DLGAP1: variants seen among roughly 807,000 people sequenced by gnomAD.
The protein encoded by DLGAP1 is DLG associated protein 1, also known as disks large-associated protein 1.
In DLGAP1, 11 loss-of-function variants were observed where a neutral mutation model predicts 90.8. That is an observed-to-expected ratio of 0.12 (90% CI 0.08 to 0.20). The LOEUF (loss-of-function observed/expected upper bound fraction) is 0.20, where lower values mean the gene tolerates loss of function less well. Among genes scored for constraint, DLGAP1 ranks in the 10% least tolerant of loss-of-function variants. DLGAP1 has a pLI of 1.00. For missense variants in DLGAP1, 1,050 were observed against 1,333.8 expected, an observed-to-expected ratio of 0.79 and a Z score of 3.31; for synonymous variants, 558 against 540.7, an observed-to-expected ratio of 1.03 and a Z score of -0.44.
chr18:4,238,596 TACTC>T (rs751077063), intron 1 of DLGAP1, among the ~76,000 whole-genome samples: 2 of 152,192 alleles, frequency 1.3e-5, no homozygotes, highest in Non-Finnish European at 2.9e-5. Flanking sequence ...TCAAAAAACT[TACTC>T]AGTAACTACT....
intron 2 of DLGAP1, among the ~76,000 whole-genome samples, chr18:4,118,218 G>C (rs2076094021): frequency 6.6e-6 from 1 of 151,872 alleles, no homozygotes; most frequent in Non-Finnish European, 1.5e-5. Flanking sequence ...AATAAAGCCA[G>C]CCCCTGCAGG....
At chr18:3,960,925 C>T (rs980243160) in intron 3 of DLGAP1, among the ~76,000 whole-genome samples, 3 of 152,204 alleles carry the variant, frequency 2.0e-5, no homozygotes, top group African/African-American at 7.2e-5. Flanking sequence ...GGGAAATGAA[C>T]TTCTTCTGGC....
intron 10 of DLGAP1, among the ~76,000 whole-genome samples, chr18:3,512,924 AAT>A (rs1036172558): frequency 6.6e-6 from 1 of 152,176 alleles, no homozygotes; most frequent in Admixed American, 6.5e-5. Flanking sequence ...TTAAGTGCAC[AAT>A]ATAGTTTTGT....
At chr18:3,622,060 T>C (rs2058112508) in intron 7 of DLGAP1, among the ~76,000 whole-genome samples, 1 of 152,090 alleles carries the variant, frequency 6.6e-6, no homozygotes, top group Non-Finnish European at 1.5e-5. Flanking sequence ...GGGTAGTGTA[T>C]GTGTATGTTG....
At chr18:3,878,994 C>T (rs982894707) in intron 4 of DLGAP1, 118 bp downstream of exon 4, 2 of 840,244 alleles carry the variant, frequency 2.4e-6, no homozygotes, top group Non-Finnish European at 3.4e-6. Context: ...GAATAATTTG[C>T]ACAGGTTCCT....
chr18:3,531,813 T>A (rs900110049), intron 10 of DLGAP1, among the ~76,000 whole-genome samples: 1 of 151,984 alleles, frequency 6.6e-6, no homozygotes, highest in African/African-American at 2.4e-5. Context: ...ATGTTTTCTA[T>A]AAGTGTGAGC....
At position 3,587,681 on chromosome 18, in the gene DLGAP1, C is replaced by T. The variant is rs532589497; in HGVS notation, c.1592-5433G>A. Among the ~76,000 whole-genome samples, 21 of 152,254 alleles carry T rather than the reference C, an allele frequency of 1.4e-4. No homozygotes were observed. In the South Asian group the frequency reaches 4.2e-3, roughly 30 times the overall value. On this transcript the variant is annotated intron_variant, in intron 7 of 12. Coordinates refer to ENST00000315677, the MANE Select transcript of DLGAP1 (RefSeq NM_004746.4). ...CTTGCTGCTGCTCACTCTTTGGGTC[C>T]ACACTACCTTTATGAGCTGTAACAC...
chr18:4,374,925 G>T (rs1567871175), intron 1 of DLGAP1, among the ~76,000 whole-genome samples: 1 of 151,648 alleles, frequency 6.6e-6, no homozygotes, highest in Non-Finnish European at 1.5e-5. Context: ...AAAAGGAAAT[G>T]GACAAATTTT....
At chr18:4,015,239 C>T (rs1382032981) in intron 2 of DLGAP1, among the ~76,000 whole-genome samples, 6 of 152,100 alleles carry the variant, frequency 3.9e-5, no homozygotes. Context: ...CATATTGACG[C>T]CCTAGAGGGT....
chr18:4,174,798 T>A, intron 1 of DLGAP1, among the ~76,000 whole-genome samples: 1 of 152,010 alleles, frequency 6.6e-6, no homozygotes, highest in East Asian at 1.9e-4. Flanking sequence ...GTGTGTGTTG[T>A]TGCCCTCCCT....
rs201696355 is a variant in DLGAP1 at position 4,298,768 on chromosome 18, AAAT to A, written c.-266-147484_-266-147482del. On this transcript the variant is annotated intron_variant, in intron 1 of 12. Coordinates refer to ENST00000315677, the MANE Select transcript of DLGAP1 (RefSeq NM_004746.4). Reference sequence around the variant, plus strand: ...TGCACATGTACCCTAAAATTTAAATAAATAAAAAAAAAAAAGCAGCAGCAAATT... The same window carrying A: ...TGCACATGTACCCTAAAATTTAAATAAAAAAAAAAAAAGCAGCAGCAAATT... Among the ~76,000 whole-genome samples the A allele has an allele frequency of 7.8e-4, 106 of 135,522 alleles. 1 individual carries two copies. The highest frequency in any genetic ancestry group is 9.4e-4 in the Non-Finnish European group (60 of 64,104). The allele number at this position is 135,522 out of a possible 152,430, so 88.9% of individuals were successfully genotyped here.
At chr18:3,704,868 C>A (rs964279672) in intron 7 of DLGAP1, among the ~76,000 whole-genome samples, 3 of 152,116 alleles carry the variant, frequency 2.0e-5, no homozygotes, top group African/African-American at 7.2e-5. Context: ...AGAAAGAACA[C>A]CTTTATGATT....
chr18:3,599,622 GTTGT>G (rs2056785842), intron 7 of DLGAP1, among the ~76,000 whole-genome samples: 1 of 152,068 alleles, frequency 6.6e-6, no homozygotes. Flanking sequence ...AGAGTTTTTT[GTTGT>G]TTGTTTTGTT....
At chr18:4,404,571 C>T (rs1395695811) in intron 1 of DLGAP1, among the ~76,000 whole-genome samples, 1 of 152,180 alleles carries the variant, frequency 6.6e-6, no homozygotes, top group East Asian at 1.9e-4. Flanking sequence ...TTTACTCTTA[C>T]ATACATTACT....
rs761102389 is a variant in DLGAP1 at position 3,499,347 on chromosome 18, G to T, written c.2772C>A (p.Pro924=). Residue 924 remains proline (P), a synonymous_variant, in exon 13 of 13, where the codon CCC becomes CCA. Coordinates refer to ENST00000315677, the MANE Select transcript of DLGAP1 (RefSeq NM_004746.4). This position sits in a 1 kb window ranked among gnomAD's most constrained non-coding sequence, Gnocchi z 6.4. Reference sequence around the variant, plus strand: ...GCGAGCGCTCCCGGATCAGCGGCGCGGGGCCCTTCGCCGGCTTCTTTGGCA... The same window carrying T: ...GCGAGCGCTCCCGGATCAGCGGCGCTGGGCCCTTCGCCGGCTTCTTTGGCA... ...PPVPKKPAKG[P]APLIRERSLE... 1.2e-5 allele frequency: 18 copies of T among 1,555,306 alleles called. No homozygotes were observed. Among genetic ancestry groups the T allele is most frequent in the Non-Finnish European group, 1.4e-5 (16 of 1,150,416 alleles).
intron 1 of DLGAP1, among the ~76,000 whole-genome samples, chr18:4,395,502 T>C (rs1446813535): frequency 6.6e-6 from 1 of 152,196 alleles, no homozygotes; most frequent in East Asian, 1.9e-4. Flanking sequence ...TTTCCTAACC[T>C]GGGAGACCTG....
At chr18:4,045,340 T>C (rs531009953) in intron 2 of DLGAP1, among the ~76,000 whole-genome samples, 78 of 148,368 alleles carry the variant, frequency 5.3e-4, no homozygotes, top group African/African-American at 1.9e-3. Flanking sequence ...TAATTCTTGA[T>C]CATTGGCTCC....
chr18:4,406,704 A>T (rs2082671670), intron 1 of DLGAP1, among the ~76,000 whole-genome samples: 1 of 152,184 alleles, frequency 6.6e-6, no homozygotes, highest in Admixed American at 6.5e-5. Context: ...TGGTTGTGTC[A>T]GGGAATGAAT....
chr18:3,967,907 C>T (rs2073363464), intron 3 of DLGAP1, among the ~76,000 whole-genome samples: 1 of 152,080 alleles, frequency 6.6e-6, no homozygotes, highest in South Asian at 2.1e-4. Flanking sequence ...GCACTGGACA[C>T]CTAACACCGA....
Sources: gnomAD v4.1 joint callset for allele counts (sites outside exome capture counted in the v4.1 genomes callset) on GRCh38, gnomAD v4.1.1 for gene constraint, Gnocchi (gnomAD v3.1) non-coding constraint, MANE v1.5 for transcripts, NCBI Gene and HGNC (gene_info 2026-07-23, HGNC 2026-07-21) for gene names.